ARB2A: variants seen among roughly 807,000 people sequenced by gnomAD.
ARB2A encodes ARB2 cotranscriptional regulator A, also known as cotranscriptional regulator ARB2A.
the ARB2A span, among the ~76,000 whole-genome samples, chr5:93,698,362 G>A: frequency 6.6e-6 from 1 of 152,146 alleles, no homozygotes; most frequent in Non-Finnish European, 1.5e-5. Context: ...TTACATTCTA[G>A]TGAGGAGAAG....
chr5:93,757,763 G>A, the ARB2A span, among the ~76,000 whole-genome samples: 1 of 151,930 alleles, frequency 6.6e-6, no homozygotes, highest in East Asian at 1.9e-4. Flanking sequence ...CATCAAAACA[G>A]AACCTCTTTG....
chr5:93,772,898 G>A, the ARB2A span, among the ~76,000 whole-genome samples: 2 of 152,186 alleles, frequency 1.3e-5, no homozygotes, highest in Admixed American at 6.5e-5. Context: ...CTCTTACCAC[G>A]TTCCCCATTA....
At chr5:93,660,948 T>C in the ARB2A span, among the ~76,000 whole-genome samples, 3 of 152,178 alleles carry the variant, frequency 2.0e-5, no homozygotes, top group African/African-American at 4.8e-5. Flanking sequence ...GGAAATGTTC[T>C]AGAGGGAGAG....
At chr5:93,627,590 G>A in the ARB2A span, among the ~76,000 whole-genome samples, 1 of 151,702 alleles carries the variant, frequency 6.6e-6, no homozygotes, top group African/African-American at 2.4e-5. Context: ...GATTACAGGT[G>A]CGCACCACCA....
the ARB2A span, among the ~76,000 whole-genome samples, chr5:93,897,112 T>A: frequency 6.6e-6 from 1 of 151,966 alleles, no homozygotes; most frequent in African/African-American, 2.4e-5. Flanking sequence ...ATAACTCAAA[T>A]GAAATCACTT....
the ARB2A span, among the ~76,000 whole-genome samples, chr5:93,868,422 C>T: frequency 3.9e-5 from 6 of 152,264 alleles, no homozygotes; most frequent in Middle Eastern, 0.01. Context: ...AGGATGCACA[C>T]GGTAATGTTT....
chr5:93,946,484 C>G, the ARB2A span, among the ~76,000 whole-genome samples: 1 of 151,892 alleles, frequency 6.6e-6, no homozygotes, highest in African/African-American at 2.4e-5. Flanking sequence ...GATATTGTAT[C>G]AAAAATGAAA....
chr5:93,937,723 T>C, the ARB2A span, among the ~76,000 whole-genome samples: 1 of 152,144 alleles, frequency 6.6e-6, no homozygotes, highest in African/African-American at 2.4e-5. Context: ...ATTGTTTCCA[T>C]GACCCTCTAC....
the ARB2A span, among the ~76,000 whole-genome samples, chr5:93,655,573 T>C: frequency 1.3e-5 from 2 of 152,202 alleles, no homozygotes; most frequent in Non-Finnish European, 2.9e-5. Context: ...TAGAGAAGTT[T>C]CACCTTTAAA....
chr5:93,962,583 A>T, the ARB2A span, among the ~76,000 whole-genome samples: 4 of 152,128 alleles, frequency 2.6e-5, no homozygotes, highest in African/African-American at 9.7e-5. Flanking sequence ...AAAAAGAACA[A>T]CTATTTACAG....
At chr5:93,833,742 A>G in the ARB2A span, among the ~76,000 whole-genome samples, 1 of 152,224 alleles carries the variant, frequency 6.6e-6, no homozygotes, top group African/African-American at 2.4e-5. Flanking sequence ...AACAACAGGA[A>G]AATCAGAATA....
chr5:93,718,151 G>T, the ARB2A span, among the ~76,000 whole-genome samples: 1 of 151,946 alleles, frequency 6.6e-6, no homozygotes, highest in African/African-American at 2.4e-5. Flanking sequence ...TCAAAATAGA[G>T]TATGACTCGG....
chr5:93,659,774 C>T, the ARB2A span, among the ~76,000 whole-genome samples: 1 of 152,146 alleles, frequency 6.6e-6, no homozygotes, highest in Non-Finnish European at 1.5e-5. Flanking sequence ...GACACTCCTT[C>T]AATACATAAG....
At chr5:93,934,408 A>G in the ARB2A span, among the ~76,000 whole-genome samples, 1 of 152,178 alleles carries the variant, frequency 6.6e-6, no homozygotes, top group Non-Finnish European at 1.5e-5. Context: ...CACAACAACC[A>G]TTTCCCATTC....
the ARB2A span, among the ~76,000 whole-genome samples, chr5:93,723,139 T>C: frequency 1.3e-5 from 2 of 152,146 alleles, no homozygotes; most frequent in Non-Finnish European, 2.9e-5. Context: ...GAACTTGGCA[T>C]GTGACCAACA....
chr5:93,773,629 AT>A, the ARB2A span, among the ~76,000 whole-genome samples: 1 of 151,700 alleles, frequency 6.6e-6, no homozygotes, highest in African/African-American at 2.4e-5. Context: ...ACAGATACTG[AT>A]TTTTTTTTAA....
At chr5:93,925,757 A>G in the ARB2A span, among the ~76,000 whole-genome samples, 2 of 152,164 alleles carry the variant, frequency 1.3e-5, no homozygotes, top group African/African-American at 2.4e-5. Context: ...AAAGCTCAAC[A>G]TATCTTACCA....
At chr5:93,885,163 C>T in the ARB2A span, among the ~76,000 whole-genome samples, 1 of 151,496 alleles carries the variant, frequency 6.6e-6, no homozygotes, top group African/African-American at 2.4e-5. Flanking sequence ...TTCCCAGTAA[C>T]TCAATCAGTA....
At chr5:93,912,014 T>C in the ARB2A span, among the ~76,000 whole-genome samples, 2 of 151,776 alleles carry the variant, frequency 1.3e-5, no homozygotes, top group Admixed American at 1.3e-4. Context: ...TTATACTCAA[T>C]AATAAAGTCG....
Sources: allele counts gnomAD v4.1 joint callset (sites outside exome capture counted in the v4.1 genomes callset), GRCh38; gene constraint gnomAD v4.1.1; transcripts MANE v1.5; gene names NCBI Gene and HGNC (gene_info 2026-07-23, HGNC 2026-07-21).